FAM110B: variants seen among roughly 807,000 people sequenced by gnomAD.
FAM110B encodes the protein family with sequence similarity 110 member B.
In FAM110B, 6 loss-of-function variants were observed where a neutral mutation model predicts 20.4. That is an observed-to-expected ratio of 0.29 (90% CI 0.16 to 0.58). The LOEUF (loss-of-function observed/expected upper bound fraction) is 0.58, where lower values mean the gene tolerates loss of function less well. Ranked by LOEUF, FAM110B falls within the 20% of genes least tolerant of loss-of-function variation. The pLI is 0.90. For missense variants in FAM110B, 434 were observed against 498.2 expected (o/e 0.87, Z 1.23); for synonymous variants, 226 against 214.1 (o/e 1.06, Z -0.49).
intron 3 of FAM110B, among the ~76,000 whole-genome samples, chr8:58,080,954 A>G (rs1279503399): frequency 1.3e-5 from 2 of 152,192 alleles, no homozygotes; most frequent in African/African-American, 4.8e-5. Context: ...TCCTTGGTCA[A>G]AAAGAGACAG....
At chr8:58,098,521 C>A (rs931766435) in intron 3 of FAM110B, among the ~76,000 whole-genome samples, 3 of 152,194 alleles carry the variant, frequency 2.0e-5, no homozygotes, top group Non-Finnish European at 2.9e-5. Context: ...ACTTGGCTCC[C>A]TGGCTTCAGC....
chr8:58,047,187 TTA>T (rs1805337203), intron 2 of FAM110B, among the ~76,000 whole-genome samples: 1 of 152,198 alleles, frequency 6.6e-6, no homozygotes, highest in African/African-American at 2.4e-5. Context: ...TGAAGACTCT[TTA>T]ATAAGAATGA....
intron 3 of FAM110B, among the ~76,000 whole-genome samples, chr8:58,136,938 G>C (rs1234387982): frequency 2.0e-5 from 3 of 152,154 alleles, no homozygotes; most frequent in Non-Finnish European, 4.4e-5. Flanking sequence ...ATTGAGATTT[G>C]ACCGGCTATT....
chr8:58,138,779 A>C (rs1197105508), intron 3 of FAM110B, among the ~76,000 whole-genome samples: 1 of 152,034 alleles, frequency 6.6e-6, no homozygotes, highest in African/African-American at 2.4e-5. Context: ...AGTCAAAATA[A>C]CTTTTCCGTT....
At chr8:58,012,457 A>AT (rs1232185239) in intron 1 of FAM110B, among the ~76,000 whole-genome samples, 1 of 152,010 alleles carries the variant, frequency 6.6e-6, no homozygotes, top group Non-Finnish European at 1.5e-5. Context: ...TTTAATCTTT[A>AT]TTTATTTATT....
At chr8:58,121,364 C>T (rs575671778) in intron 3 of FAM110B, among the ~76,000 whole-genome samples, 1 of 152,298 alleles carries the variant, frequency 6.6e-6, no homozygotes, top group East Asian at 1.9e-4. Context: ...ATTTGGGTTT[C>T]AGTCAATCTT....
At chr8:58,029,377 T>A (rs1398154971) in intron 1 of FAM110B, among the ~76,000 whole-genome samples, 1 of 152,162 alleles carries the variant, frequency 6.6e-6, no homozygotes, top group Non-Finnish European at 1.5e-5. Flanking sequence ...CCTAAGAATA[T>A]CCCAAATTTC....
chr8:58,000,571 A>G (rs939305654), intron 1 of FAM110B, among the ~76,000 whole-genome samples: 1 of 152,178 alleles, frequency 6.6e-6, no homozygotes, highest in African/African-American at 2.4e-5. Context: ...CCTTTTGTAG[A>G]CACTCCACAT....
At chr8:58,040,527 AT>A (rs1805191927) in intron 2 of FAM110B, among the ~76,000 whole-genome samples, 1 of 152,198 alleles carries the variant, frequency 6.6e-6, no homozygotes, top group Non-Finnish European at 1.5e-5. Flanking sequence ...GGAAGAGAAA[AT>A]ACTAACCCAG....
intron 3 of FAM110B, among the ~76,000 whole-genome samples, chr8:58,095,682 G>A (rs1258500253): frequency 6.6e-6 from 1 of 152,174 alleles, no homozygotes; most frequent in African/African-American, 2.4e-5. Flanking sequence ...TTTACAGTAA[G>A]TGTGAAGTGG....
At chr8:58,012,659 C>A (rs1349289459) in intron 1 of FAM110B, among the ~76,000 whole-genome samples, 1 of 152,192 alleles carries the variant, frequency 6.6e-6, no homozygotes, top group African/African-American at 2.4e-5. Flanking sequence ...TGGTGGCAGA[C>A]AGCCCTTTCA....
intron 1 of FAM110B, among the ~76,000 whole-genome samples, chr8:58,026,290 A>G (rs1585821373): frequency 6.6e-6 from 1 of 152,062 alleles, no homozygotes; most frequent in East Asian, 1.9e-4. Flanking sequence ...GAATTGCATT[A>G]CTTACCTTTT....
rs1806430091 is a variant in FAM110B at position 58,089,836 on chromosome 8, AACATATTTTTGCCATT to A, written c.-325+14214_-325+14229del. On this transcript the variant is annotated intron_variant, in intron 3 of 3. Transcript: ENST00000519262. The stretch of plus-strand genomic sequence containing the variant: ...CATCAAAACTATTGCTTACTTTGAA[AACATATTTTTGCCATT>A]TGGCATTTTCTAGAAAATTGTATCC... Among the ~76,000 whole-genome samples the A allele has an allele frequency of 2.0e-5, 3 of 152,222 alleles. No individual in the cohort carries two copies. In the South Asian group the frequency reaches 6.2e-4, roughly 32 times the overall value.
intron 1 of FAM110B, among the ~76,000 whole-genome samples, chr8:58,006,436 T>A (rs1454824514): frequency 1.3e-5 from 2 of 152,108 alleles, no homozygotes; most frequent in Non-Finnish European, 2.9e-5. Context: ...GGCACCCTAG[T>A]GCTATGGCCA....
chr8:58,073,622 G>C (rs1471899501), intron 2 of FAM110B, among the ~76,000 whole-genome samples: 1 of 152,096 alleles, frequency 6.6e-6, no homozygotes, highest in Non-Finnish European at 1.5e-5. Context: ...CCAGAATTTA[G>C]AAATGCATCT....
chr8:58,053,050 G>T (rs897287860), intron 2 of FAM110B, among the ~76,000 whole-genome samples: 2 of 151,608 alleles, frequency 1.3e-5, no homozygotes, highest in African/African-American at 4.9e-5. Context: ...CTCCCAAAGT[G>T]CTGGGATTAC....
intron 1 of FAM110B, among the ~76,000 whole-genome samples, chr8:58,011,271 T>TCTAA (rs1191805038): frequency 6.6e-6 from 1 of 152,176 alleles, no homozygotes; most frequent in African/African-American, 2.4e-5. Flanking sequence ...TTCCTATGGC[T>TCTAA]CTAAGCTCCC....
At position 58,075,944 on chromosome 8, in the gene FAM110B, T is replaced by A. The variant is rs866808348; in HGVS notation, c.-325+321T>A. Among the ~76,000 whole-genome samples the A allele has an allele frequency of 9.2e-5, 14 of 152,074 alleles. No individual in the cohort carries two copies. The South Asian group carries it at 1.2e-3, about 14-fold the overall frequency. ...AGGTAATCTCCCAGGAGTTTAGAAG[T>A]CCTCTGTGTTTTAAAGAAAATTTTA... On this transcript the variant is annotated intron_variant, in intron 3 of 3. Coordinates refer to ENST00000519262, the MANE Select transcript of FAM110B (RefSeq NM_001377989.1).
At chr8:58,081,381 A>G (rs113842408) in intron 3 of FAM110B, among the ~76,000 whole-genome samples, 7,547 of 151,946 alleles carry the variant, frequency 0.05, 622 homozygotes, top group African/African-American at 0.17. Context: ...TAATTTTTAT[A>G]TTTTTGATAA....
Sources: allele counts gnomAD v4.1 joint callset (sites outside exome capture counted in the v4.1 genomes callset), GRCh38; gene constraint gnomAD v4.1.1; transcripts MANE v1.5; gene names NCBI Gene and HGNC (gene_info 2026-07-23, HGNC 2026-07-21).